TLL2: variants seen among roughly 807,000 people sequenced by gnomAD.
TLL2 encodes the protein tolloid like 2, also known as tolloid-like protein 2.
In TLL2, 106 loss-of-function variants were observed where a neutral mutation model predicts 123.0. The ratio of observed to expected loss-of-function variants is 0.86; its 90% CI spans 0.74 to 1.01. The LOEUF (loss-of-function observed/expected upper bound fraction) is 1.01. TLL2 is among the 50% of genes least tolerant of loss of function. TLL2 has a pLI of 0.00. For missense variants in TLL2, 1,332 were observed against 1,336.7 expected, an observed-to-expected ratio of 1.00 and a Z score of 0.06; for synonymous variants, 494 against 516.8, an observed-to-expected ratio of 0.96 and a Z score of 0.60.
intron 20 of TLL2, 109 bp from the exon 21 acceptor site, chr10:96,368,331 C>G: frequency 1.5e-6 from 2 of 1,322,340 alleles, no homozygotes; most frequent in Non-Finnish European, 2.1e-6. Context: ...GTCTCTGGTA[C>G]CAGAGACTCT....
intron 2 of TLL2, among the ~76,000 whole-genome samples, chr10:96,450,963 C>T (rs1374190665): frequency 2.6e-5 from 4 of 152,192 alleles, no homozygotes; most frequent in Non-Finnish European, 5.9e-5. Context: ...GAGGTTTATT[C>T]AGACGTCTCC....
intron 16 of TLL2, among the ~76,000 whole-genome samples, chr10:96,380,720 A>G (rs1451450060): frequency 7.1e-6 from 1 of 140,198 alleles, no homozygotes; most frequent in East Asian, 2.1e-4. Context: ...AAAAAAAAAA[A>G]AAAGAATGCA....
At chr10:96,433,986 G>A (rs1846769886) in intron 3 of TLL2, among the ~76,000 whole-genome samples, 1 of 152,136 alleles carries the variant, frequency 6.6e-6, no homozygotes, top group African/African-American at 2.4e-5. Flanking sequence ...TGTTGACCAG[G>A]CTGGTCTCGA....
chr10:96,474,600 C>A (rs1415834603), intron 2 of TLL2, among the ~76,000 whole-genome samples: 1 of 152,160 alleles, frequency 6.6e-6, no homozygotes, highest in Non-Finnish European at 1.5e-5. Context: ...GGAAGAGAGG[C>A]TGGATACACA....
At chr10:96,400,899 C>T (rs72829530) in intron 10 of TLL2, among the ~76,000 whole-genome samples, 43 of 152,312 alleles carry the variant, frequency 2.8e-4, no homozygotes, top group Admixed American at 1.2e-3. Flanking sequence ...AAGTGACCCC[C>T]AAAACTGACA....
chr10:96,393,276 C>T (rs532452848), intron 13 of TLL2, among the ~76,000 whole-genome samples: 2 of 152,318 alleles, frequency 1.3e-5, no homozygotes, highest in South Asian at 4.1e-4. Flanking sequence ...GAATAGGAAA[C>T]CAGTCCATCA....
chr10:96,403,652 T>C (rs1169702303), intron 10 of TLL2, among the ~76,000 whole-genome samples: 1 of 152,166 alleles, frequency 6.6e-6, no homozygotes, highest in African/African-American at 2.4e-5. Context: ...CCTCGTGGGA[T>C]GAGAAAGACC....
At chr10:96,420,220 G>A (rs942006) in intron 7 of TLL2, among the ~76,000 whole-genome samples, 88,005 of 152,138 alleles carry the variant, frequency 0.58, 26,548 homozygotes, top group East Asian at 0.74. Flanking sequence ...TTAACTCAAC[G>A]CTAGAAAGAA....
intron 7 of TLL2, among the ~76,000 whole-genome samples, chr10:96,419,045 C>T (rs1225388904): frequency 6.6e-6 from 1 of 151,992 alleles, no homozygotes; most frequent in East Asian, 1.9e-4. Flanking sequence ...ATTCCCTGCA[C>T]CATTTCCCAA....
intron 5 of TLL2, among the ~76,000 whole-genome samples, chr10:96,427,759 T>C (rs552151151): frequency 4.6e-5 from 7 of 152,242 alleles, no homozygotes; most frequent in African/African-American, 1.4e-4. Flanking sequence ...GTATAGACCA[T>C]GTAGTTGGGT....
rs1714994432 is a variant in TLL2, at chr10:96,378,967, C to T, written c.2320G>A (p.Ala774Thr). 8.7e-6 allele frequency: 14 copies of T among 1,614,060 alleles called. No homozygotes were observed. The highest frequency in any genetic ancestry group is 1.2e-5 in the Non-Finnish European group (14 of 1,179,934). The change falls in exon 17 of 21, where the codon GCT becomes ACT. Residue 774 changes from alanine (A) to threonine (T), a missense_variant and splice_region_variant. Coordinates refer to ENST00000357947, the MANE Select transcript of TLL2 (RefSeq NM_012465.4). Reference sequence around the variant, plus strand: ...CCAACAACTGGAGGTCCAGCCTCACCCTCTTTGCAGTCATGCCCATTCTCG... The same window carrying T: ...CCAACAACTGGAGGTCCAGCCTCACTCTCTTTGCAGTCATGCCCATTCTCG... ...LHENGHDCKEAGCAHKISSVE... is the reference protein window; with the variant it reads ...LHENGHDCKETGCAHKISSVE...
At position 96,371,341 on chromosome 10, in the gene TLL2, T is replaced by C. The variant is rs896702094; in HGVS notation, c.2663-1026A>G. Among the ~76,000 whole-genome samples the C allele has an allele frequency of 1.3e-4, 19 of 146,226 alleles. No homozygotes were observed. In the South Asian group the frequency reaches 1.3e-3, roughly 10 times the overall value. On this transcript the variant is annotated intron_variant, in intron 19 of 20. Transcript: ENST00000357947. The stretch of plus-strand genomic sequence containing the variant: ...GTATCAAAAAAAAAAAAAAAGTAAA[T>C]AAATAAATAAAATAGATAGATAAGA...
At chr10:96,396,740 G>A (rs1190883682) in intron 11 of TLL2, among the ~76,000 whole-genome samples, 2 of 151,990 alleles carry the variant, frequency 1.3e-5, no homozygotes, top group African/African-American at 4.8e-5. Context: ...TAGCCTCAGA[G>A]GCCCTTCTAA....
At chr10:96,446,003 T>A (rs1168700414) in intron 3 of TLL2, 88 bp downstream of exon 3, 2 of 1,349,038 alleles carry the variant, frequency 1.5e-6, no homozygotes, top group African/African-American at 2.9e-5. Flanking sequence ...AAGGGTATGC[T>A]TTAAAATGGT....
At position 96,376,747 on chromosome 10, in the gene TLL2, C is replaced by T; in HGVS notation, c.2393G>A (p.Ser798Asn). The T allele has an allele frequency of 6.2e-7, 1 of 1,605,898 alleles. No individual in the cohort carries two copies. Among genetic ancestry groups the T allele is most frequent in the Non-Finnish European group, 8.5e-7 (1 of 1,176,754 alleles). The part of the protein sequence containing the change: ...ASPNWPDKYP[S>N]RRECTWNISS... ...GATGTTCCAGGTACACTCCCTCCGG[C>T]TGGGGTATTTGTCAGGCCAGTTGGG... Residue 798 changes from serine to asparagine, a missense_variant, in exon 18 of 21, where the codon AGC (serine) becomes AAC (asparagine). Coordinates refer to ENST00000357947, the MANE Select transcript of TLL2 (RefSeq NM_012465.4).
chr10:96,419,833 T>A (rs1406237483), intron 7 of TLL2, among the ~76,000 whole-genome samples: 1 of 152,236 alleles, frequency 6.6e-6, no homozygotes, highest in Non-Finnish European at 1.5e-5. Context: ...ATATGTTTTC[T>A]GAGCAAATGA....
chr10:96,432,892 G>C lies in TLL2; in HGVS notation c.435C>G (p.Pro145=), dbSNP rs1387251560. ...TTGAGGTTGTGGCTCTTCGGACCCGGGGAGAGAAGGTCTTGGCTGCGGCAT... is the reference window on the plus strand; with the variant it reads ...TTGAGGTTGTGGCTCTTCGGACCCGCGGAGAGAAGGTCTTGGCTGCGGCAT... ...TLHAAAKTFS[P]RVRRATTSRT... The change falls in exon 4 of 21, where the codon CCC becomes CCG. Residue 145 remains proline (P), a synonymous_variant. Transcript: ENST00000357947. The C allele has an allele frequency of 6.2e-7, 1 of 1,614,006 alleles. No homozygotes were observed. The highest frequency in any genetic ancestry group is 8.5e-7 in the Non-Finnish European group (1 of 1,180,020).
At position 96,387,080 on chromosome 10, in the gene TLL2, T is replaced by G. The variant is rs751285771; in HGVS notation, c.1727-2A>C. 1 of 1,612,316 alleles carries G rather than the reference T, an allele frequency of 6.2e-7. No homozygotes were observed. The highest frequency in any genetic ancestry group is 1.1e-5 in the South Asian group (1 of 91,022). The stretch of plus-strand genomic sequence containing the variant: ...CTGGCCAGGAACACTCATCCACCTC[T>G]GGTGGGGAAGGAAGGTGACCCCGGT... On this transcript the variant is annotated splice_acceptor_variant, in intron 13 of 20. Coordinates refer to ENST00000357947, the MANE Select transcript of TLL2 (RefSeq NM_012465.4). LOFTEE classifies it high-confidence loss of function.
chr10:96,496,483 G>A (rs1847476724), intron 1 of TLL2, among the ~76,000 whole-genome samples: 1 of 152,202 alleles, frequency 6.6e-6, no homozygotes, highest in Non-Finnish European at 1.5e-5. Context: ...CTTCTCAAGA[G>A]AACACACAGC....
Sources: gnomAD v4.1 joint callset for allele counts (sites outside exome capture counted in the v4.1 genomes callset) on GRCh38, gnomAD v4.1.1 for gene constraint, MANE v1.5 for transcripts, NCBI Gene and HGNC (gene_info 2026-07-23, HGNC 2026-07-21) for gene names.